Variants in TRIT1 observed in about 807,000 individuals in gnomAD.
TRIT1 encodes tRNA dimethylallyltransferase.
TRIT1 carries 43 observed loss-of-function variants against 51.2 expected under a neutral mutation model. The ratio of observed to expected loss-of-function variants is 0.84; its 90% CI spans 0.66 to 1.08. TRIT1 has a LOEUF of 1.08. Among genes scored for constraint, TRIT1 ranks in the 50% least tolerant of loss-of-function variants. The pLI, the probability that TRIT1 is intolerant of heterozygous loss-of-function variation, is 0.00. For missense variants in TRIT1, 528 were observed against 578.4 expected (o/e 0.91, Z 0.89); for synonymous variants, 184 against 203.9 (o/e 0.90, Z 0.83).
Position 39,844,512 on chromosome 1 carries a change from T to A in TRIT1, c.1116+19A>T, listed in dbSNP as rs752528399. ...GCTCTGAAAACCAGAAAATAGAATGTATCATGATTCATAATTACCTGGATG... is the reference window on the plus strand; with the variant it reads ...GCTCTGAAAACCAGAAAATAGAATGAATCATGATTCATAATTACCTGGATG... On this transcript the variant is annotated intron_variant, in intron 9 of 10. Coordinates refer to ENST00000316891, the MANE Select transcript of TRIT1 (RefSeq NM_017646.6). The A allele has an allele frequency of 1.9e-6, 3 of 1,583,124 alleles. No individual in the cohort carries two copies. The highest frequency in any genetic ancestry group is 3.3e-5 in the Admixed American group (2 of 59,968).
At chr1:39,844,507 G>C in intron 9 of TRIT1, 24 bp downstream of exon 9, 1 of 1,571,252 alleles carries the variant, frequency 6.4e-7, no homozygotes, top group Non-Finnish European at 8.8e-7. Context: ...CCAGAAAATA[G>C]AATGTATCAT....
chr1:39,862,673 G>A (rs777406514), intron 1 of TRIT1: 48 of 592,920 alleles, frequency 8.1e-5, no homozygotes, highest in Non-Finnish European at 8.9e-5. Context: ...ATCACATTTG[G>A]TCCAGAGGTT....
In TRIT1 at chr1:39,883,381, G is replaced by A. The variant is rs777648027; in HGVS notation, c.111C>T (p.Ser37=). The change falls in exon 1 of 11, where the codon TCC becomes TCT. Residue 37 remains serine, a synonymous_variant. Transcript: ENST00000316891. ...GCTGGCCTAGCTGCAACGCCAGCGT[G>A]GATTTGCCGGTGCCCGTGGCCCCGA... ...VILGATGTGK[S]TLALQLGQRL... is the part of the protein sequence containing the mutation. 1.1e-5 allele frequency: 17 copies of A among 1,613,376 alleles called. No individual in the cohort carries two copies. The Admixed American group carries it at 2.8e-4, about 27-fold the overall frequency.
At chr1:39,865,847 GAAAGGAAAGAAGAGAGTGAT>G (rs1475093846) in intron 1 of TRIT1, among the ~76,000 whole-genome samples, 26 of 145,322 alleles carry the variant, frequency 1.8e-4, no homozygotes, top group Non-Finnish European at 3.2e-4. Context: ...AGACAAGAAA[GAAAGGAAAGAAGAGAGTGAT>G]AAAGGAAAGA....
chr1:39,864,244 T>C (rs1482096851), intron 1 of TRIT1, among the ~76,000 whole-genome samples: 2 of 151,508 alleles, frequency 1.3e-5, no homozygotes, highest in Admixed American at 6.6e-5. Flanking sequence ...ATTTAGAGGG[T>C]AGAGGCCAAG....
chr1:39,873,284 T>C (rs555960691), intron 1 of TRIT1, among the ~76,000 whole-genome samples: 3 of 152,368 alleles, frequency 2.0e-5, no homozygotes, highest in Admixed American at 6.5e-5. Flanking sequence ...ACTATGTTGA[T>C]ATCATACTTT....
intron 5 of TRIT1, among the ~76,000 whole-genome samples, chr1:39,849,132 AT>A (rs1044901365): frequency 6.6e-6 from 1 of 152,178 alleles, no homozygotes; most frequent in African/African-American, 2.4e-5. Flanking sequence ...GAAAGTTTGC[AT>A]TTATTGAGGA....
chr1:39,853,720 T>G (rs1642725800), intron 3 of TRIT1, among the ~76,000 whole-genome samples: 1 of 152,200 alleles, frequency 6.6e-6, no homozygotes, highest in Admixed American at 6.5e-5. Flanking sequence ...CCTAATGAAC[T>G]GTTAATTTAT....
chr1:39,842,544 C>A (rs1641971238), intron 10 of TRIT1, among the ~76,000 whole-genome samples: 1 of 152,150 alleles, frequency 6.6e-6, no homozygotes, highest in African/African-American at 2.4e-5. Context: ...GCATTTATCA[C>A]CGACGATCTC....
intron 8 of TRIT1, chr1:39,847,009 G>T (rs187468727): frequency 5.7e-6 from 3 of 525,868 alleles, no homozygotes; most frequent in Non-Finnish European, 1.0e-5. Context: ...AAGGCAGAAG[G>T]CAGACTCCTC....
At chr1:39,844,785 C>G in intron 8 of TRIT1, 145 bp from the exon 9 acceptor site, 4 of 618,162 alleles carry the variant, frequency 6.5e-6, no homozygotes, top group Non-Finnish European at 8.7e-6. Flanking sequence ...TAAACATGAA[C>G]CACAATCCAA....
intron 1 of TRIT1, among the ~76,000 whole-genome samples, chr1:39,859,314 G>A (rs1389044792): frequency 1.2e-4 from 17 of 137,230 alleles, no homozygotes; most frequent in African/African-American, 3.1e-4. Context: ...GGCCAGGTGC[G>A]GAGACTCACA....
At chr1:39,857,512 C>CAA in intron 1 of TRIT1, 95 bp from the exon 2 acceptor site, 3 of 1,418,178 alleles carry the variant, frequency 2.1e-6, no homozygotes, top group African/African-American at 1.4e-5. Flanking sequence ...TCCCTCCTGC[C>CAA]AAACACTTCA....
intron 2 of TRIT1, among the ~76,000 whole-genome samples, chr1:39,856,872 T>C (rs1359364666): frequency 1.3e-5 from 2 of 152,214 alleles, no homozygotes; most frequent in Non-Finnish European, 2.9e-5. Context: ...CCCAGTAAAA[T>C]TCACATGGTA....
intron 1 of TRIT1, among the ~76,000 whole-genome samples, chr1:39,860,959 T>G (rs1320607603): frequency 3.9e-5 from 6 of 152,090 alleles, no homozygotes; most frequent in Non-Finnish European, 8.8e-5. Context: ...ACGCCTGTAA[T>G]CTCAGCTACT....
At chr1:39,859,275 A>G (rs1198427395) in intron 1 of TRIT1, among the ~76,000 whole-genome samples, 4 of 137,014 alleles carry the variant, frequency 2.9e-5, no homozygotes, top group East Asian at 7.7e-4. Flanking sequence ...AAAAAAAAAA[A>G]AAAAAAAAAA....
At chr1:39,868,323 T>C (rs1205774040) in intron 1 of TRIT1, among the ~76,000 whole-genome samples, 1 of 152,158 alleles carries the variant, frequency 6.6e-6, no homozygotes, top group East Asian at 1.9e-4. Context: ...ACATATCTGA[T>C]AAAGGATTTA....
intron 1 of TRIT1, among the ~76,000 whole-genome samples, chr1:39,864,166 A>G (rs528134169): frequency 6.7e-6 from 1 of 150,154 alleles, no homozygotes; most frequent in South Asian, 2.2e-4. Flanking sequence ...GATTACAGGT[A>G]TGAGCCACTG....
intron 1 of TRIT1, among the ~76,000 whole-genome samples, chr1:39,866,026 GAAAAGAAAAGAAAAGA>G (rs1457771696): frequency 1.0e-5 from 1 of 96,022 alleles, no homozygotes; most frequent in Non-Finnish European, 2.9e-5. Flanking sequence ...AGAAAAGAAA[GAAAAGAAAAGAAAAGA>G]AAAAGAAAAG....
Sources: allele counts gnomAD v4.1 joint callset (sites outside exome capture counted in the v4.1 genomes callset), GRCh38; gene constraint gnomAD v4.1.1; transcripts MANE v1.5; gene names NCBI Gene and HGNC (gene_info 2026-07-23, HGNC 2026-07-21).